Variants in GRB14 observed in about 807,000 individuals in gnomAD.
GRB14 encodes the protein growth factor receptor-bound protein 14.
In GRB14, 38 loss-of-function variants were observed where a neutral mutation model predicts 69.1. That is an observed-to-expected ratio of 0.55 (90% CI 0.42 to 0.72). GRB14 has a LOEUF of 0.72. Ranked by LOEUF, GRB14 falls within the 30% of genes least tolerant of loss-of-function variation. The probability of loss-of-function intolerance (pLI) is 0.00; values close to 1 mark genes in which losing one functional copy is unlikely to be tolerated. For synonymous variants in GRB14, 247 were observed against 241.3 expected (o/e 1.02, Z -0.22); for missense variants, 666 against 666.1 (o/e 1.00, Z 0.00).
At chr2:164,549,729 T>C (rs1688480301) in intron 2 of GRB14, among the ~76,000 whole-genome samples, 1 of 151,986 alleles carries the variant, frequency 6.6e-6, no homozygotes, top group African/African-American at 2.4e-5. Context: ...CTGGGCATGG[T>C]GGTACATGCC....
At chr2:164,557,059 T>C (rs1280874063) in intron 2 of GRB14, among the ~76,000 whole-genome samples, 1 of 152,116 alleles carries the variant, frequency 6.6e-6, no homozygotes, top group Non-Finnish European at 1.5e-5. Flanking sequence ...TGAACAAAGG[T>C]GGCTTAGGTG....
At chr2:164,525,216 C>A in intron 4 of GRB14, 138 bp from the exon 5 acceptor site, 1 of 677,608 alleles carries the variant, frequency 1.5e-6, no homozygotes, top group East Asian at 2.8e-5. Context: ...TGAAAATGCC[C>A]GTCCTTAGAC....
intron 3 of GRB14, among the ~76,000 whole-genome samples, chr2:164,527,414 T>C (rs1303863492): frequency 6.6e-6 from 1 of 151,712 alleles, no homozygotes; most frequent in African/African-American, 2.4e-5. Context: ...AATGTACTTT[T>C]TGTTATCTCA....
Position 164,492,909 on chromosome 2 carries a change from T to C in GRB14, c.*127A>G, listed in dbSNP as rs571681558. ...TGCTTATTTGCAATGCACAAACTATTTTTTTGTAACTTGCAGGTGAAATAC... is the reference window on the plus strand; with the variant it reads ...TGCTTATTTGCAATGCACAAACTATCTTTTTGTAACTTGCAGGTGAAATAC... On this transcript the variant is annotated 3_prime_UTR_variant, in exon 14 of 14. Coordinates refer to ENST00000263915, the MANE Select transcript of GRB14 (RefSeq NM_004490.3). 2.9e-5 allele frequency: 23 copies of C among 805,118 alleles called. No individual in the cohort carries two copies. The East Asian group carries it at 5.7e-4, about 20-fold the overall frequency. The allele number at this position is 805,118 out of a possible 1,614,324, so 49.9% of individuals were successfully genotyped here.
chr2:164,615,449 T>C (rs555769393), intron 2 of GRB14, among the ~76,000 whole-genome samples: 1 of 152,172 alleles, frequency 6.6e-6, no homozygotes, highest in Non-Finnish European at 1.5e-5. Flanking sequence ...TCTTGTGTTA[T>C]GAGGAGAGTT....
At chr2:164,615,702 T>C (rs1254406198) in intron 2 of GRB14, among the ~76,000 whole-genome samples, 2 of 152,310 alleles carry the variant, frequency 1.3e-5, no homozygotes, top group East Asian at 1.9e-4. Context: ...CTGGTTTTCA[T>C]AGCATTTTTT....
At position 164,517,122 on chromosome 2, in the gene GRB14, T is replaced by C. The variant is rs1687512157; in HGVS notation, c.816+4858A>G. Reference sequence around the variant, plus strand: ...GGTTTAAGGGACTCACAGTTCTTCATGGCTGGGGAGGCCTCACAATCACAG... The same window carrying C: ...GGTTTAAGGGACTCACAGTTCTTCACGGCTGGGGAGGCCTCACAATCACAG... On this transcript the variant is annotated intron_variant, in intron 6 of 13. Transcript: ENST00000263915. 3.3e-5 allele frequency among the ~76,000 whole-genome samples: 5 copies of C among 152,144 alleles called. No homozygotes were observed. In the South Asian group the frequency reaches 1.0e-3, roughly 31 times the overall value.
intron 2 of GRB14, among the ~76,000 whole-genome samples, chr2:164,617,186 T>C (rs1415259111): frequency 6.6e-6 from 1 of 152,138 alleles, no homozygotes; most frequent in Non-Finnish European, 1.5e-5. Flanking sequence ...CATAGAGATC[T>C]CAACCATTGG....
intron 2 of GRB14, among the ~76,000 whole-genome samples, chr2:164,606,205 C>T (rs1019309821): frequency 6.6e-6 from 1 of 152,144 alleles, no homozygotes; most frequent in East Asian, 1.9e-4. Context: ...TGCATATATG[C>T]ATCTTATACT....
intron 6 of GRB14, among the ~76,000 whole-genome samples, chr2:164,517,048 T>A (rs568086382): frequency 3.4e-4 from 52 of 152,138 alleles, no homozygotes; most frequent in Non-Finnish European, 6.5e-4. Flanking sequence ...ATGCTGCTGA[T>A]AAAGATATAC....
At chr2:164,610,450 T>C (rs894297561) in intron 2 of GRB14, among the ~76,000 whole-genome samples, 1 of 152,046 alleles carries the variant, frequency 6.6e-6, no homozygotes, top group African/African-American at 2.4e-5. Context: ...ACGTGTTAAA[T>C]GAAAGCAAAA....
chr2:164,540,656 C>T (rs2105303464), intron 3 of GRB14, among the ~76,000 whole-genome samples: 1 of 152,172 alleles, frequency 6.6e-6, no homozygotes, highest in African/African-American at 2.4e-5. Context: ...TGCTCTAGCA[C>T]TCACTCTCCC....
chr2:164,555,818 G>A (rs1688665583), intron 2 of GRB14, among the ~76,000 whole-genome samples: 1 of 151,592 alleles, frequency 6.6e-6, no homozygotes, highest in African/African-American at 2.4e-5. Flanking sequence ...AATTTGCTCT[G>A]AACTGTGTCC....
rs151334452 is a variant in GRB14 at position 164,547,710 on chromosome 2, A to G, written c.431T>C (p.Ile144Thr). The change falls in exon 3 of 14, where the codon ATT becomes ACT. Residue 144 changes from isoleucine to threonine, a missense_variant. Transcript: ENST00000263915. ...AAAAAGGGTCCAGCTGTGGTCATCA[A>G]TGTAATGATTCTTCAGGATCAACAG... ...CQLLILKNHY[I>T]DDHSWTLFEH... 3.4e-4 allele frequency: 545 copies of G among 1,613,892 alleles called. 2 individuals are homozygous for G. The African/African-American group carries it at 5.7e-3, about 17-fold the overall frequency.
chr2:164,601,632 C>T (rs1574347643), intron 2 of GRB14, among the ~76,000 whole-genome samples: 1 of 151,698 alleles, frequency 6.6e-6, no homozygotes, highest in African/African-American at 2.4e-5. Context: ...AAAACTAGGA[C>T]AAAACTAAGG....
At chr2:164,578,427 A>G (rs1689305921) in intron 2 of GRB14, among the ~76,000 whole-genome samples, 3 of 152,030 alleles carry the variant, frequency 2.0e-5, no homozygotes, top group Admixed American at 1.3e-4. Flanking sequence ...ATAAACTAAT[A>G]ATCCAAATAC....
At chr2:164,578,522 GCA>G (rs61283767) in intron 2 of GRB14, among the ~76,000 whole-genome samples, 3,927 of 145,548 alleles carry the variant, frequency 0.027, 152 homozygotes, top group African/African-American at 0.091. Flanking sequence ...CAATTCGCGC[GCA>G]CACACACACA....
chr2:164,620,741 T>A (rs114984645), intron 1 of GRB14, among the ~76,000 whole-genome samples: 5 of 152,164 alleles, frequency 3.3e-5, no homozygotes, highest in Non-Finnish European at 4.4e-5. Flanking sequence ...TGTAAGACTC[T>A]ATGTGGGAGG....
At position 164,617,523 on chromosome 2, in the gene GRB14, C is replaced by T. The variant is rs182799766; in HGVS notation, c.324+2164G>A. Among the ~76,000 whole-genome samples the T allele has an allele frequency of 5.3e-5, 8 of 152,218 alleles. No individual in the cohort carries two copies. In the East Asian group the frequency reaches 1.5e-3, roughly 29 times the overall value. ...CTGATGACTATCCACACTTAGGGCACATCCTGCCTTAACCCTGGCACTTTA... is the reference window on the plus strand; with the variant it reads ...CTGATGACTATCCACACTTAGGGCATATCCTGCCTTAACCCTGGCACTTTA... On this transcript the variant is annotated intron_variant, in intron 2 of 13. Coordinates refer to ENST00000263915, the MANE Select transcript of GRB14 (RefSeq NM_004490.3).
Sources: gnomAD v4.1 joint callset for allele counts (sites outside exome capture counted in the v4.1 genomes callset) on GRCh38, gnomAD v4.1.1 for gene constraint, MANE v1.5 for transcripts, NCBI Gene and HGNC (gene_info 2026-07-23, HGNC 2026-07-21) for gene names.